The following NKAIN2 variants were observed in gnomAD, a reference collection of about 807,000 sequenced individuals.
The protein encoded by NKAIN2 is sodium/potassium transporting ATPase interacting 2.
NKAIN2 carries 14 observed loss-of-function variants against 32.6 expected under a neutral mutation model. The ratio of observed to expected loss-of-function variants is 0.43; its 90% CI spans 0.28 to 0.67. The LOEUF is 0.67. Ranked by LOEUF, NKAIN2 falls within the 30% of genes least tolerant of loss-of-function variation. The probability of loss-of-function intolerance (pLI) is 0.17; values close to 1 mark genes in which losing one functional copy is unlikely to be tolerated. For missense variants in NKAIN2, 198 were observed against 258.3 expected (o/e 0.77, Z 1.60); for synonymous variants, 80 against 87.2 (o/e 0.92, Z 0.46).
rs544179228 is a variant in NKAIN2, at chr6:124,519,018, C to T, written c.274-139168C>T. On this transcript the variant is annotated intron_variant, in intron 3 of 6. Transcript: ENST00000368417. Reference sequence around the variant, plus strand: ...AAGTACAAGAACCAGGATGGACTTGCCTGATGAGAGCAGCTCATCAAGGCA... The same window carrying T: ...AAGTACAAGAACCAGGATGGACTTGTCTGATGAGAGCAGCTCATCAAGGCA... Among the ~76,000 whole-genome samples, 53 of 152,270 alleles carry T rather than the reference C, an allele frequency of 3.5e-4. 1 individual carries two copies. Among genetic ancestry groups the T allele is most frequent in the African/African-American group, 1.3e-3 (52 of 41,560 alleles).
At chr6:124,125,182 T>C (rs1582691926) in intron 1 of NKAIN2, among the ~76,000 whole-genome samples, 1 of 152,258 alleles carries the variant, frequency 6.6e-6, no homozygotes, top group East Asian at 1.9e-4. Context: ...GTATGTTTGA[T>C]TATTTTATGA....
chr6:124,752,954 C>A (rs919185238), intron 4 of NKAIN2, among the ~76,000 whole-genome samples: 1 of 152,192 alleles, frequency 6.6e-6, no homozygotes, highest in South Asian at 2.1e-4. Flanking sequence ...TCTTCCCTCT[C>A]TTTCTTGTCC....
intron 1 of NKAIN2, among the ~76,000 whole-genome samples, chr6:123,908,075 GC>G (rs1774979909): frequency 6.6e-6 from 1 of 152,126 alleles, no homozygotes; most frequent in East Asian, 1.9e-4. Context: ...TAGCAACAAT[GC>G]CCATAGCTTA....
chr6:124,156,691 TG>T (rs987462144), intron 1 of NKAIN2, among the ~76,000 whole-genome samples: 2 of 152,024 alleles, frequency 1.3e-5, no homozygotes, highest in African/African-American at 2.4e-5. Context: ...ATCAAGAAAG[TG>T]AAAAAATCTC....
chr6:124,708,400 GGGAT>G (rs1423273039), intron 4 of NKAIN2, among the ~76,000 whole-genome samples: 1 of 151,646 alleles, frequency 6.6e-6, no homozygotes. Context: ...TAGCTTGATG[GGGAT>G]GGCATTGAAT....
At chr6:124,645,966 T>G (rs2114375656) in intron 3 of NKAIN2, among the ~76,000 whole-genome samples, 1 of 152,344 alleles carries the variant, frequency 6.6e-6, no homozygotes, top group Admixed American at 6.5e-5. Flanking sequence ...GTCATTCTAT[T>G]TATTTACTTG....
intron 3 of NKAIN2, among the ~76,000 whole-genome samples, chr6:124,362,186 A>G (rs1041889540): frequency 2.0e-5 from 3 of 152,100 alleles, no homozygotes; most frequent in African/African-American, 7.2e-5. Flanking sequence ...TGATTTTCTT[A>G]CTGTAAAATT....
chr6:124,264,577 G>C (rs998354211), intron 1 of NKAIN2, among the ~76,000 whole-genome samples: 4 of 152,114 alleles, frequency 2.6e-5, no homozygotes, highest in Non-Finnish European at 5.9e-5. Flanking sequence ...CTATAAAATA[G>C]ATATAAGACC....
At chr6:123,818,811 G>GT (rs1773805165) in intron 1 of NKAIN2, among the ~76,000 whole-genome samples, 1 of 152,146 alleles carries the variant, frequency 6.6e-6, no homozygotes, top group Non-Finnish European at 1.5e-5. Flanking sequence ...ATCACCTCAT[G>GT]TGTTTTTCTG....
At chr6:124,667,326 AG>A (rs761891848) in intron 4 of NKAIN2, among the ~76,000 whole-genome samples, 192 of 152,284 alleles carry the variant, frequency 1.3e-3, no homozygotes, top group Non-Finnish European at 1.4e-3. Flanking sequence ...GAGATTTAAA[AG>A]TTGAAATTGT....
At position 123,803,891 on chromosome 6, in the gene NKAIN2, C is replaced by A. The variant is rs1773094830; in HGVS notation, c.-310C>A. Among the ~76,000 whole-genome samples the A allele has an allele frequency of 6.7e-6, 1 of 148,150 alleles. No individual in the cohort carries two copies. Among genetic ancestry groups the A allele is most frequent in the Non-Finnish European group, 1.5e-5 (1 of 66,540 alleles). On this transcript the variant is annotated 5_prime_UTR_variant, in exon 1 of 7. Transcript: ENST00000368417. ...GATGCCCGAGGGCGCGGCGGCGCTG[C>A]CAGGCTGCCGCTGCTGCCCCTGCGG...
intron 1 of NKAIN2, among the ~76,000 whole-genome samples, chr6:124,105,826 C>T (rs1236807934): frequency 5.3e-5 from 8 of 152,174 alleles, no homozygotes; most frequent in Admixed American, 3.3e-4. Flanking sequence ...AAAACATAAT[C>T]GTGCTACTTC....
At position 124,585,973 on chromosome 6, in the gene NKAIN2, G is replaced by A. The variant is rs138474726; in HGVS notation, c.274-72213G>A. Among the ~76,000 whole-genome samples, 43 of 152,114 alleles carry A rather than the reference G, an allele frequency of 2.8e-4. No individual in the cohort carries two copies. In the East Asian group the frequency reaches 7.7e-3, roughly 27 times the overall value. ...CTTTTCTCCTATGTATTCTTCCATC[G>A]GTTCTATAGCTTTAGGTTTTACATT... On this transcript the variant is annotated intron_variant, in intron 3 of 6. Transcript: ENST00000368417.
At chr6:124,495,006 TG>T (rs1268147517) in intron 3 of NKAIN2, among the ~76,000 whole-genome samples, 1 of 152,148 alleles carries the variant, frequency 6.6e-6, no homozygotes, top group Non-Finnish European at 1.5e-5. Context: ...CTACAGTCAT[TG>T]GTTAATTCTA....
chr6:124,393,732 C>T (rs1773241440), intron 3 of NKAIN2, among the ~76,000 whole-genome samples: 1 of 152,132 alleles, frequency 6.6e-6, no homozygotes, highest in Admixed American at 6.5e-5. Flanking sequence ...CACCCTGGAA[C>T]CTAGTGTTAG....
intron 1 of NKAIN2, among the ~76,000 whole-genome samples, chr6:123,935,837 T>G (rs897960582): frequency 2.0e-5 from 3 of 152,130 alleles, no homozygotes; most frequent in African/African-American, 7.2e-5. Context: ...TTCTGGAGGT[T>G]CTTTTGTGCT....
chr6:124,495,463 C>G (rs944356371), intron 3 of NKAIN2, among the ~76,000 whole-genome samples: 3 of 151,928 alleles, frequency 2.0e-5, no homozygotes, highest in Non-Finnish European at 4.4e-5. Flanking sequence ...GTCTACTATG[C>G]GTATGAATCA....
chr6:123,852,138 A>G (rs541972020), intron 1 of NKAIN2, among the ~76,000 whole-genome samples: 1 of 152,306 alleles, frequency 6.6e-6, no homozygotes, highest in East Asian at 1.9e-4. Flanking sequence ...CCAATGTTAT[A>G]AGGGTCCAAT....
intron 1 of NKAIN2, among the ~76,000 whole-genome samples, chr6:124,017,773 AC>A (rs760519033): frequency 2.0e-5 from 3 of 151,640 alleles, no homozygotes; most frequent in East Asian, 2.0e-4. Context: ...ATAGTACAGC[AC>A]CCCCCACCCC....
Sources: allele counts gnomAD v4.1 joint callset (sites outside exome capture counted in the v4.1 genomes callset), GRCh38; gene constraint gnomAD v4.1.1; transcripts MANE v1.5; gene names NCBI Gene and HGNC (gene_info 2026-07-23, HGNC 2026-07-21).